The following INSC variants were observed in gnomAD, a reference collection of about 807,000 sequenced individuals.
INSC encodes the protein INSC spindle orientation adaptor protein, also known as protein inscuteable homolog.
In INSC, 67 loss-of-function variants were observed where a neutral mutation model predicts 58.6. The observed-to-expected ratio is 1.14, with a 90% CI of 0.94 to 1.40. INSC has a LOEUF of 1.40. Ranked by LOEUF, INSC falls within the 40% of genes most tolerant of loss-of-function variation. The probability of loss-of-function intolerance (pLI) is 0.00; values close to 1 mark genes in which losing one functional copy is unlikely to be tolerated. For synonymous variants in INSC, 262 were observed against 276.1 expected, an observed-to-expected ratio of 0.95 and a Z score of 0.51; for missense variants, 714 against 692.0, an observed-to-expected ratio of 1.03 and a Z score of -0.36.
intron 6 of INSC, among the ~76,000 whole-genome samples, chr11:15,200,187 ACAC>A (rs1850526511): frequency 6.6e-6 from 1 of 151,490 alleles, no homozygotes; most frequent in Non-Finnish European, 1.5e-5. Flanking sequence ...ACACACACAC[ACAC>A]AAACAGGAGT....
chr11:15,268,389 A>C, the INSC span, among the ~76,000 whole-genome samples: 1 of 152,026 alleles, frequency 6.6e-6, no homozygotes, highest in Non-Finnish European at 1.5e-5. Flanking sequence ...TAAAAATCTA[A>C]TTGACATGTT....
chr11:15,126,902 G>A (rs1056202319), intron 1 of INSC, among the ~76,000 whole-genome samples: 11 of 152,222 alleles, frequency 7.2e-5, no homozygotes, highest in African/African-American at 1.7e-4. Context: ...GCTGCCTGTG[G>A]ATGGGGATAG....
At position 15,225,839 on chromosome 11, in the gene INSC, CAGA is replaced by C; in HGVS notation, c.1170+14_1170+16del. On this transcript the variant is annotated intron_variant, in intron 9 of 12. Coordinates refer to ENST00000379556, the MANE Select transcript of INSC (RefSeq NM_001042536.3). Reference sequence around the variant, plus strand: ...TACACTCGGGACCAGGTAAGACGCCCAGAAGGCACTGAGCACAGGGCCCATAGC... The same window carrying C: ...TACACTCGGGACCAGGTAAGACGCCCAGGCACTGAGCACAGGGCCCATAGC... The C allele has an allele frequency of 1.2e-6, 2 of 1,608,916 alleles. No homozygotes were observed. The highest frequency in any genetic ancestry group is 1.7e-6 in the Non-Finnish European group (2 of 1,177,634).
chr11:15,184,385 GA>G, intron 5 of INSC: 1 of 195,636 alleles, frequency 5.1e-6, no homozygotes, highest in Non-Finnish European at 1.1e-5. Context: ...AATACATATA[GA>G]AATATTTCTT....
the INSC span, among the ~76,000 whole-genome samples, chr11:15,258,118 G>T: frequency 6.6e-6 from 1 of 152,108 alleles, no homozygotes; most frequent in Non-Finnish European, 1.5e-5. Context: ...GTAGACATAC[G>T]GGTGTTTGTT....
intron 1 of INSC, among the ~76,000 whole-genome samples, chr11:15,128,159 C>T (rs1176475575): frequency 2.6e-5 from 4 of 151,946 alleles, no homozygotes; most frequent in African/African-American, 9.7e-5. Context: ...TTTTGTATAA[C>T]ATTCCAGATC....
At chr11:15,161,503 G>A (rs1174676045) in intron 2 of INSC, among the ~76,000 whole-genome samples, 1 of 152,150 alleles carries the variant, frequency 6.6e-6, no homozygotes, top group Non-Finnish European at 1.5e-5. Flanking sequence ...AAGCTCAGAG[G>A]AAAAGGGGGC....
the INSC span, among the ~76,000 whole-genome samples, chr11:15,264,775 A>G: frequency 2.0e-5 from 3 of 152,140 alleles, no homozygotes; most frequent in African/African-American, 7.2e-5. Flanking sequence ...TACATCTACT[A>G]GTAGCCTTAA....
At chr11:15,150,464 C>T (rs1263517812) in intron 2 of INSC, among the ~76,000 whole-genome samples, 1 of 152,200 alleles carries the variant, frequency 6.6e-6, no homozygotes, top group African/African-American at 2.4e-5. Context: ...AACTGAATTT[C>T]ATTTTGCAGT....
chr11:15,238,017 G>A (rs1484655802), intron 10 of INSC, among the ~76,000 whole-genome samples: 1 of 152,170 alleles, frequency 6.6e-6, no homozygotes, highest in East Asian at 1.9e-4. Flanking sequence ...GCCACTGGGT[G>A]CAGAAGAGGG....
intron 2 of INSC, among the ~76,000 whole-genome samples, chr11:15,166,046 G>A (rs1220797471): frequency 6.6e-6 from 1 of 152,174 alleles, no homozygotes; most frequent in Non-Finnish European, 1.5e-5. Context: ...ACAAGGCCTG[G>A]AACATTGTCA....
chr11:15,141,042 T>A (rs1848358403), intron 1 of INSC, among the ~76,000 whole-genome samples: 1 of 152,212 alleles, frequency 6.6e-6, no homozygotes, highest in African/African-American at 2.4e-5. Context: ...TTATACACAG[T>A]AAACACCTAA....
At chr11:15,111,821 C>G (rs1847581292), upstream of INSC, among the ~76,000 whole-genome samples, 1 of 152,170 alleles carries the variant, frequency 6.6e-6, no homozygotes, top group South Asian at 2.1e-4. Flanking sequence ...GTTCCTGGTG[C>G]TCATGTGTTA....
chr11:15,170,543 A>G (rs1344501237), intron 2 of INSC, among the ~76,000 whole-genome samples: 1 of 152,198 alleles, frequency 6.6e-6, no homozygotes, highest in Non-Finnish European at 1.5e-5. Context: ...TTCTTATCAT[A>G]TCCTTTCAGG....
intron 7 of INSC, among the ~76,000 whole-genome samples, chr11:15,219,813 C>T (rs1005193694): frequency 2.0e-5 from 3 of 152,170 alleles, no homozygotes; most frequent in African/African-American, 4.8e-5. Context: ...GGATGAAAGC[C>T]AGATGGAGTA....
chr11:15,136,587 T>G (rs1848250455), intron 1 of INSC, among the ~76,000 whole-genome samples: 1 of 152,214 alleles, frequency 6.6e-6, no homozygotes. Context: ...ATATTGTCTC[T>G]TCACTAGGAG....
chr11:15,252,002 T>C (rs936988874), downstream of INSC, among the ~76,000 whole-genome samples: 3 of 152,206 alleles, frequency 2.0e-5, no homozygotes, highest in Non-Finnish European at 4.4e-5. Context: ...AGCTGATAAC[T>C]AGTTTTAAAA....
intron 9 of INSC, among the ~76,000 whole-genome samples, chr11:15,227,318 T>C (rs1413896699): frequency 2.0e-5 from 3 of 152,220 alleles, no homozygotes; most frequent in South Asian, 4.1e-4. Context: ...CAAAGGCTCC[T>C]GGGTGTTGGG....
chr11:15,192,901 T>G (rs1176947401), intron 6 of INSC, among the ~76,000 whole-genome samples: 1 of 152,216 alleles, frequency 6.6e-6, no homozygotes, highest in African/African-American at 2.4e-5. Flanking sequence ...GGAAGAGAAT[T>G]CACATATATT....
Sources: gnomAD v4.1 joint callset for allele counts (sites outside exome capture counted in the v4.1 genomes callset) on GRCh38, gnomAD v4.1.1 for gene constraint, MANE v1.5 for transcripts, NCBI Gene and HGNC (gene_info 2026-07-23, HGNC 2026-07-21) for gene names.